The following PHKA1 variants were observed in gnomAD, a reference collection of about 807,000 sequenced individuals.
PHKA1 encodes phosphorylase b kinase regulatory subunit alpha, skeletal muscle isoform.
PHKA1 carries 60 observed loss-of-function variants against 110.2 expected under a neutral mutation model. The observed-to-expected ratio is 0.54, with a 90% CI of 0.44 to 0.68. The LOEUF (loss-of-function observed/expected upper bound fraction) is 0.68, where lower values mean the gene tolerates loss of function less well. Ranked by LOEUF, PHKA1 falls within the 30% of genes least tolerant of loss-of-function variation. The probability of loss-of-function intolerance (pLI) is 0.00; values close to 1 mark genes in which losing one functional copy is unlikely to be tolerated. For missense variants in PHKA1, 801 were observed against 942.5 expected, an observed-to-expected ratio of 0.85 and a Z score of 1.97; for synonymous variants, 316 against 333.6, an observed-to-expected ratio of 0.95 and a Z score of 0.58.
rs907746019 is a variant in PHKA1, at chrX:72,690,351, C to G, written c.454+5357G>C. The stretch of plus-strand genomic sequence containing the variant: ...TTATGTATTGAATTGTGTCCTCCCC[C>G]CAAAAATTTGTATATTGAAGCCCTA... On this transcript the variant is annotated intron_variant, in intron 4 of 31. Transcript: ENST00000373542. Among the ~76,000 whole-genome samples, 11 of 111,213 alleles carry G rather than the reference C, an allele frequency of 9.9e-5. No individual in the cohort carries two copies. The East Asian group carries it at 3.1e-3, about 31-fold the overall frequency.
At chrX:72,612,558 C>G (rs1556262493) in intron 21 of PHKA1, among the ~76,000 whole-genome samples, 1 of 111,965 alleles carries the variant, frequency 8.9e-6, no homozygotes, top group East Asian at 2.8e-4. Context: ...CTTGCCATAG[C>G]ATTTTTGTGA....
chrX:72,658,828 CT>C (rs1475914006), intron 8 of PHKA1, among the ~76,000 whole-genome samples: 2 of 112,284 alleles, frequency 1.8e-5, no homozygotes, highest in African/African-American at 6.5e-5. Flanking sequence ...TGTCCTATTA[CT>C]GGTGATGTTA....
intron 12 of PHKA1, among the ~76,000 whole-genome samples, chrX:72,650,919 T>C (rs890177363): frequency 6.3e-5 from 7 of 111,494 alleles, no homozygotes; most frequent in Admixed American, 4.7e-4. Flanking sequence ...AGGTCTCACT[T>C]ATGTTGCCCA....
intron 29 of PHKA1, 119 bp from the exon 30 acceptor site, chrX:72,584,421 G>A (rs2052384601): frequency 1.5e-6 from 1 of 669,762 alleles, no homozygotes; most frequent in Non-Finnish European, 2.4e-6. Flanking sequence ...TATATGCTGA[G>A]TAATCACAGA....
chrX:72,670,764 TG>T (rs1263900906), intron 6 of PHKA1, among the ~76,000 whole-genome samples: 1 of 111,998 alleles, frequency 8.9e-6, no homozygotes, highest in Non-Finnish European at 1.9e-5. Context: ...ATCCCTGGGA[TG>T]CAAGGCTGGT....
At chrX:72,662,261 C>G (rs1556304499) in intron 8 of PHKA1, among the ~76,000 whole-genome samples, 2 of 111,776 alleles carry the variant, frequency 1.8e-5, no homozygotes, top group Non-Finnish European at 3.8e-5. Context: ...GGAGCTACTG[C>G]AGGAGTGCAG....
intron 3 of PHKA1, among the ~76,000 whole-genome samples, chrX:72,703,357 G>A (rs139423086): frequency 8.9e-6 from 1 of 112,020 alleles, no homozygotes; most frequent in Non-Finnish European, 1.9e-5. Flanking sequence ...TGAAATTAGT[G>A]ACCTTAAACC....
At chrX:72,651,591 A>G (rs1228410920) in intron 12 of PHKA1, among the ~76,000 whole-genome samples, 2 of 111,633 alleles carry the variant, frequency 1.8e-5, no homozygotes, top group Non-Finnish European at 3.8e-5. Flanking sequence ...AAGAATACCA[A>G]TCACTGTGGT....
rs782814517 is a variant in PHKA1, at chrX:72,592,406, A to G, written c.3243+698T>C. On this transcript the variant is annotated intron_variant, in intron 29 of 31. Transcript: ENST00000373542. ...GTCCTTATTAAAGCCAGTGATGCAG[A>G]AAGTGGCACCTAAGAGACTATGAAT... Among the ~76,000 whole-genome samples the G allele has an allele frequency of 8.9e-5, 10 of 112,688 alleles. 1 individual carries two copies. In the South Asian group the frequency reaches 3.7e-3, roughly 42 times the overall value.
At chrX:72,682,255 G>A (rs1466130247) in intron 5 of PHKA1, among the ~76,000 whole-genome samples, 1 of 92,324 alleles carries the variant, frequency 1.1e-5, no homozygotes, top group Non-Finnish European at 2.2e-5. Context: ...TCAGCCCCCC[G>A]CCCGGCCAGC....
At chrX:72,591,382 G>T (rs1356656572) in intron 29 of PHKA1, among the ~76,000 whole-genome samples, 1 of 109,979 alleles carries the variant, frequency 9.1e-6, no homozygotes, top group Non-Finnish European at 1.9e-5. Flanking sequence ...TGGTCACAGG[G>T]TGGGGAACAT....
intron 16 of PHKA1, 98 bp downstream of exon 16, chrX:72,635,057 T>A: frequency 9.6e-7 from 1 of 1,041,812 alleles, no homozygotes; most frequent in Non-Finnish European, 1.3e-6. Context: ...AAGAATAAAT[T>A]ATAAGAAGTA....
intron 21 of PHKA1, among the ~76,000 whole-genome samples, chrX:72,616,956 GA>G (rs1178306920): frequency 1.8e-5 from 2 of 111,798 alleles, no homozygotes; most frequent in Non-Finnish European, 3.8e-5. Flanking sequence ...TTTGGCAAAT[GA>G]AAAGGAAATG....
At chrX:72,669,587 G>T (rs1442006763) in intron 6 of PHKA1, among the ~76,000 whole-genome samples, 2 of 87,254 alleles carry the variant, frequency 2.3e-5, no homozygotes. Flanking sequence ...GTGTCCATGT[G>T]TTCTCATTGT....
chrX:72,696,560 A>T (rs1271263267), intron 3 of PHKA1, among the ~76,000 whole-genome samples: 1 of 111,458 alleles, frequency 9.0e-6, no homozygotes, highest in African/African-American at 3.3e-5. Context: ...TGTGACCTGG[A>T]AGCCCCCAGT....
chrX:72,611,085 C>T lies in PHKA1; in HGVS notation c.2469G>A (p.Trp823Ter). 4 of 1,206,854 alleles carry T rather than the reference C, an allele frequency of 3.3e-6. No homozygotes were observed. Among genetic ancestry groups the T allele is most frequent in the Non-Finnish European group, 4.5e-6 (4 of 891,385 alleles). Residue 823 changes from tryptophan to a stop codon, truncating the protein, a stop_gained, in exon 22 of 32, where the codon TGG becomes TGA. Transcript: ENST00000373542. LOFTEE classifies it high-confidence loss of function. ...LYGKVGEIRH[W>*]GLIRYISGIL... Reference sequence around the variant, plus strand: ...TCCCAGAAATGTATCGGATCAGGCCCCAGTGACGAATTTCTCCCACTTTGC... The same window carrying T: ...TCCCAGAAATGTATCGGATCAGGCCTCAGTGACGAATTTCTCCCACTTTGC...
At chrX:72,682,124 A>G (rs1603270779) in intron 5 of PHKA1, among the ~76,000 whole-genome samples, 1 of 65,924 alleles carries the variant, frequency 1.5e-5, no homozygotes, top group Admixed American at 1.9e-4. Flanking sequence ...CCGGGAGGTG[A>G]GGGGCGCCTC....
chrX:72,694,017 T>C (rs1183929145), intron 4 of PHKA1, among the ~76,000 whole-genome samples: 1 of 112,039 alleles, frequency 8.9e-6, no homozygotes, highest in African/African-American at 3.2e-5. Context: ...ATTTTCAACA[T>C]TTATGGTTGT....
chrX:72,598,816 C>T (rs1213405219), intron 28 of PHKA1, among the ~76,000 whole-genome samples: 7 of 111,177 alleles, frequency 6.3e-5, no homozygotes, highest in African/African-American at 2.3e-4. Context: ...GAAATATTTT[C>T]TGAGAAAATA....
Sources: gnomAD v4.1 joint callset for allele counts (sites outside exome capture counted in the v4.1 genomes callset) on GRCh38, gnomAD v4.1.1 for gene constraint, MANE v1.5 for transcripts, NCBI Gene and HGNC (gene_info 2026-07-23, HGNC 2026-07-21) for gene names.